The following ATP6V1G1 variants were observed in gnomAD, a reference collection of about 807,000 sequenced individuals.
ATP6V1G1 encodes the protein ATPase H+ transporting V1 subunit G1.
In ATP6V1G1, 14 loss-of-function variants were observed where a neutral mutation model predicts 14.2. The ratio of observed to expected loss-of-function variants is 0.99; its 90% CI spans 0.65 to 1.55. The LOEUF (loss-of-function observed/expected upper bound fraction) is 1.55. Among genes scored for constraint, ATP6V1G1 ranks in the 40% most tolerant of loss-of-function variants. The pLI is 0.00. For synonymous variants in ATP6V1G1, 65 were observed against 53.3 expected (o/e 1.22, Z -0.96); for missense variants, 137 against 146.4 (o/e 0.94, Z 0.33).
At position 114,587,802 on chromosome 9, in the gene ATP6V1G1, T is replaced by C. The variant is rs1389574149; in HGVS notation, c.-37T>C. On this transcript the variant is annotated 5_prime_UTR_variant, in exon 1 of 3. Transcript: ENST00000374050. ...TGACCCAAGGGGCCTTCGAGGTGCC[T>C]TAGGCCGCTTGCCTTGCTCTCAGAA... The C allele has an allele frequency of 1.3e-6, 2 of 1,560,602 alleles. No individual in the cohort carries two copies. The highest frequency in any genetic ancestry group is 1.7e-6 in the Non-Finnish European group (2 of 1,151,718).
At chr9:114,588,086 TTGCG>T in intron 1 of ATP6V1G1, 166 bp downstream of exon 1, 1 of 746,184 alleles carries the variant, frequency 1.3e-6, no homozygotes, top group South Asian at 1.9e-5. Context: ...TCTGGAAGGC[TTGCG>T]GATCGCCTGG....
intron 1 of ATP6V1G1, among the ~76,000 whole-genome samples, chr9:114,588,369 G>T (rs993808917): frequency 2.6e-5 from 4 of 151,934 alleles, no homozygotes; most frequent in Admixed American, 2.6e-4. Flanking sequence ...TTTCCCCCAT[G>T]TCTACTACCA....
At chr9:114,592,484 C>A (rs563395005) in intron 1 of ATP6V1G1, 68 bp from the exon 2 acceptor site, 3 of 1,399,950 alleles carry the variant, frequency 2.1e-6, no homozygotes, top group African/African-American at 1.4e-5. Context: ...TTATAATATA[C>A]CATCTTGTCT....
intron 1 of ATP6V1G1, 175 bp downstream of exon 1, chr9:114,588,095 G>T: frequency 1.5e-6 from 1 of 681,018 alleles, no homozygotes; most frequent in Non-Finnish European, 2.4e-6. Flanking sequence ...CTTGCGGATC[G>T]CCTGGAAGCC....
chr9:114,597,043 T>G (rs1420104922), intron 2 of ATP6V1G1, among the ~76,000 whole-genome samples: 1 of 141,202 alleles, frequency 7.1e-6, no homozygotes, highest in African/African-American at 2.7e-5. Flanking sequence ...CAGGCTGGAG[T>G]GCAGTGGCGC....
intron 1 of ATP6V1G1, among the ~76,000 whole-genome samples, chr9:114,589,950 C>T (rs905957684): frequency 2.6e-5 from 4 of 152,074 alleles, no homozygotes; most frequent in Non-Finnish European, 5.9e-5. Flanking sequence ...GTAATCCCAG[C>T]ACTTTGGGAG....
In ATP6V1G1 at chr9:114,597,013, C is replaced by T. The variant is rs1213113215; in HGVS notation, c.184-557C>T. ...TTTTTTTTTTTTTTTTTTTTTGAGA[C>T]GGAGTCTCGCTCTGTCGCCCAGGCT... On this transcript the variant is annotated intron_variant, in intron 2 of 2. Coordinates refer to ENST00000374050, the MANE Select transcript of ATP6V1G1 (RefSeq NM_004888.4). Among the ~76,000 whole-genome samples the T allele has an allele frequency of 6.4e-5, 7 of 108,756 alleles. No individual in the cohort carries two copies. In the East Asian group the frequency reaches 1.4e-3, roughly 21 times the overall value. 71.3% of individuals were successfully genotyped at this position (108,756 alleles called of 152,430 possible).
intron 1 of ATP6V1G1, among the ~76,000 whole-genome samples, chr9:114,591,881 T>C (rs1845185603): frequency 6.6e-6 from 1 of 152,094 alleles, no homozygotes; most frequent in East Asian, 1.9e-4. Context: ...TCTGTTTTCA[T>C]GTAGACTCTG....
chr9:114,588,396 C>T (rs1392107905), intron 1 of ATP6V1G1, among the ~76,000 whole-genome samples: 1 of 151,994 alleles, frequency 6.6e-6, no homozygotes, highest in African/African-American at 2.4e-5. Context: ...TAGTCCAGGA[C>T]ACCAGTTTCT....
rs775718142 is a variant in ATP6V1G1 at position 114,587,910 on chromosome 9, G to C, written c.72G>C (p.Glu24Asp). 26 of 1,579,224 alleles carry C rather than the reference G, an allele frequency of 1.6e-5. No individual in the cohort carries two copies. The highest frequency in any genetic ancestry group is 2.2e-5 in the Non-Finnish European group (26 of 1,162,694). Residue 24 changes from glutamate to aspartate, a missense_variant, in exon 1 of 3, where the codon GAG (glutamate) becomes GAC (aspartate). By Grantham distance (45) the Glu-to-Asp change is conservative (BLOSUM62 2). Transcript: ENST00000374050. The stretch of plus-strand genomic sequence containing the variant: ...AGCGGGCAGCCGAGAAGGTGTCCGA[G>C]GCCCGCAAAAGTGAGTTTCAGGGTG... ...AEKRAAEKVS[E>D]ARKRKNRRLK...
At position 114,598,443 on chromosome 9, in the gene ATP6V1G1, A is replaced by C. The variant is rs1259478214; in HGVS notation, c.*700A>C. ...TGGTTCTTCATTTTTGATCATGCGA[A>C]ATGCATTTTGACCCAGATGGTCTGC... On this transcript the variant is annotated 3_prime_UTR_variant, in exon 3 of 3. Transcript: ENST00000374050. 2 of 152,534 alleles carry C rather than the reference A, an allele frequency of 1.3e-5. No individual in the cohort carries two copies. The highest frequency in any genetic ancestry group is 4.8e-5 in the African/African-American group (2 of 41,416). The allele number at this position is 152,534 out of a possible 1,614,324, so 9.4% of individuals were successfully genotyped here. A position where few individuals can be genotyped will look rare whatever the true frequency, so the allele number is the denominator to read the frequency against.
At chr9:114,595,083 G>T (rs1203980314) in intron 2 of ATP6V1G1, among the ~76,000 whole-genome samples, 1 of 150,908 alleles carries the variant, frequency 6.6e-6, no homozygotes, top group Non-Finnish European at 1.5e-5. Flanking sequence ...GGCCAGGCTG[G>T]TCTTGAACTC....
chr9:114,598,396 T>C lies in ATP6V1G1; in HGVS notation c.*653T>C, dbSNP rs1191898911. 21 of 152,180 alleles carry C rather than the reference T, an allele frequency of 1.4e-4. No homozygotes were observed. Among genetic ancestry groups the C allele is most frequent in the Admixed American group, 1.3e-3 (19 of 15,154 alleles). 9.4% of individuals were successfully genotyped at this position (152,180 alleles called of 1,614,324 possible). On this transcript the variant is annotated 3_prime_UTR_variant, in exon 3 of 3. Transcript: ENST00000374050. ...GCATTTTTCCCCATTCTTTTTTTTT[T>C]CCCTGTCTCCGTGACAACCAGTGGT...
In ATP6V1G1 at chr9:114,592,618, A is replaced by G; in HGVS notation, c.149A>G (p.Gln50Arg). ...GCTGAAATTGAACAGTACCGCCTGCAGAGGGAGAAAGAATTCAAGGCCAAG... is the reference window on the plus strand; with the variant it reads ...GCTGAAATTGAACAGTACCGCCTGCGGAGGGAGAAAGAATTCAAGGCCAAG... ...AQAEIEQYRLQREKEFKAKEA... is the reference protein window; with the variant it reads ...AQAEIEQYRLRREKEFKAKEA... Residue 50 changes from glutamine to arginine, a missense_variant, in exon 2 of 3, where the codon CAG (glutamine) becomes CGG (arginine). By Grantham distance (43) the Gln-to-Arg change is conservative (BLOSUM62 1). Coordinates refer to ENST00000374050, the MANE Select transcript of ATP6V1G1 (RefSeq NM_004888.4). The G allele has an allele frequency of 8.2e-6, 13 of 1,578,202 alleles. No individual in the cohort carries two copies. The highest frequency in any genetic ancestry group is 1.1e-5 in the Non-Finnish European group (13 of 1,160,924).
At position 114,597,961 on chromosome 9, in the gene ATP6V1G1, G is replaced by A. The variant is rs1486691362; in HGVS notation, c.*218G>A. 2.9e-6 allele frequency: 1 copy of A among 344,762 alleles called. No individual in the cohort carries two copies. Among genetic ancestry groups the A allele is most frequent in the Non-Finnish European group, 5.0e-6 (1 of 201,910 alleles). The allele number at this position is 344,762 out of a possible 1,614,324, so 21.4% of individuals were successfully genotyped here. A position where few individuals can be genotyped will look rare whatever the true frequency, so the allele number is the denominator to read the frequency against. On this transcript the variant is annotated 3_prime_UTR_variant, in exon 3 of 3. Transcript: ENST00000374050. ...CATCTTTTTACCTCATATTTCTTAG[G>A]AATTTAATGGTTATATGTTGTCTTT... is the stretch of plus-strand genomic sequence containing the variant.
chr9:114,588,906 T>G (rs1288572800), intron 1 of ATP6V1G1, among the ~76,000 whole-genome samples: 1 of 152,164 alleles, frequency 6.6e-6, no homozygotes, highest in Non-Finnish European at 1.5e-5. Context: ...AGAAGAAAGC[T>G]CAAATTCCTT....
At chr9:114,591,997 C>T (rs576922712) in intron 1 of ATP6V1G1, among the ~76,000 whole-genome samples, 71 of 152,278 alleles carry the variant, frequency 4.7e-4, no homozygotes, top group African/African-American at 1.7e-3. Context: ...TCTTACTGTC[C>T]AGTACTCCTC....
intron 2 of ATP6V1G1, among the ~76,000 whole-genome samples, chr9:114,595,242 A>G (rs12379017): frequency 0.099 from 15,104 of 152,174 alleles, 854 homozygotes; most frequent in South Asian, 0.14. Context: ...AGCTTGGCGT[A>G]TGGTTTATAT....
At chr9:114,590,594 T>C (rs1047060556) in intron 1 of ATP6V1G1, among the ~76,000 whole-genome samples, 11 of 151,942 alleles carry the variant, frequency 7.2e-5, no homozygotes, top group African/African-American at 2.7e-4. Context: ...CTCAGAATTG[T>C]TAATAGTTAG....
Sources: allele counts gnomAD v4.1 joint callset (sites outside exome capture counted in the v4.1 genomes callset), GRCh38; gene constraint gnomAD v4.1.1; transcripts MANE v1.5; gene names NCBI Gene and HGNC (gene_info 2026-07-23, HGNC 2026-07-21).